GUCY2C: variants seen among roughly 807,000 people sequenced by gnomAD.
GUCY2C encodes guanylyl cyclase C.
In GUCY2C, 118 loss-of-function variants were observed where a neutral mutation model predicts 131.1. The ratio of observed to expected loss-of-function variants is 0.90; its 90% confidence interval spans 0.78 to 1.05. The LOEUF is 1.05. GUCY2C is among the 50% of genes least tolerant of loss of function. The pLI, the probability that GUCY2C is intolerant of heterozygous loss-of-function variation, is 0.00. For synonymous variants in GUCY2C, 452 were observed against 457.8 expected, an observed-to-expected ratio of 0.99 and a Z score of 0.16; for missense variants, 1,161 against 1,304.4, an observed-to-expected ratio of 0.89 and a Z score of 1.69.
chr12:14,621,008 G>A, intron 23 of GUCY2C, 34 bp downstream of exon 23: 5 of 1,570,462 alleles, frequency 3.2e-6, no homozygotes, highest in Non-Finnish European at 4.4e-6. Flanking sequence ...CAGTACATAT[G>A]GTTCCCAATT....
rs753877259 is a variant in GUCY2C at position 14,681,375 on chromosome 12, G to C, written c.714C>G (p.Asp238Glu). 5 of 1,612,512 alleles carry C rather than the reference G, an allele frequency of 3.1e-6. No homozygotes were observed. In the South Asian group the frequency reaches 5.5e-5, roughly 18 times the overall value. ...TCTTACCATTGCTTTTCCTGTTGTG[G>C]TCCATTAAGATATCCTGAAACTCCT... Reference protein sequence around the residue: ...QDKEFQDILMDHNRKSNVIIM... With the variant: ...QDKEFQDILMEHNRKSNVIIM... Residue 238 changes from aspartate to glutamate, a missense_variant, in exon 5 of 27, where the codon GAC becomes GAG. Asp to Glu is a conservative substitution (Grantham distance 45). Coordinates refer to ENST00000261170, the MANE Select transcript of GUCY2C (RefSeq NM_004963.4).
intron 16 of GUCY2C, among the ~76,000 whole-genome samples, chr12:14,644,272 A>C (rs1336814601): frequency 6.6e-6 from 1 of 152,188 alleles, no homozygotes; most frequent in African/African-American, 2.4e-5. Flanking sequence ...AAGCTGAGGC[A>C]GGATAATCGC....
intron 21 of GUCY2C, 103 bp downstream of exon 21, chr12:14,625,654 T>C: frequency 2.4e-6 from 3 of 1,229,802 alleles, no homozygotes; most frequent in Non-Finnish European, 3.4e-6. Context: ...TTAAAACCAA[T>C]AATCTACTGA....
intron 18 of GUCY2C, among the ~76,000 whole-genome samples, chr12:14,640,152 C>T (rs1412538662): frequency 2.0e-5 from 3 of 152,020 alleles, no homozygotes; most frequent in African/African-American, 7.3e-5. Flanking sequence ...CACTTATAAC[C>T]AGAAGGTTAC....
intron 24 of GUCY2C, 109 bp downstream of exon 24, chr12:14,619,102 T>C (rs2136976626): frequency 1.6e-6 from 1 of 636,446 alleles, no homozygotes; most frequent in Admixed American, 2.6e-5. Flanking sequence ...AGAATTATTC[T>C]ACATCTCACT....
intron 23 of GUCY2C, among the ~76,000 whole-genome samples, chr12:14,619,910 A>G (rs1384934104): frequency 1.3e-5 from 2 of 152,238 alleles, no homozygotes; most frequent in Non-Finnish European, 2.9e-5. Flanking sequence ...GCGCTGTGGC[A>G]TATTAGGTAG....
intron 19 of GUCY2C, among the ~76,000 whole-genome samples, chr12:14,630,519 T>C (rs1248174463): frequency 6.6e-6 from 1 of 152,190 alleles, no homozygotes; most frequent in Non-Finnish European, 1.5e-5. Context: ...CATTATTCCC[T>C]AAACAATACA....
chr12:14,674,465 AG>A (rs1269528273), intron 8 of GUCY2C, 159 bp downstream of exon 8: 1 of 756,722 alleles, frequency 1.3e-6, no homozygotes, highest in South Asian at 1.4e-5. Context: ...TATCAATAAC[AG>A]CACCCTCAAA....
At chr12:14,652,076 C>G in intron 13 of GUCY2C, 46 bp from the exon 14 acceptor site, 1 of 1,027,266 alleles carries the variant, frequency 9.7e-7, no homozygotes, top group Non-Finnish European at 1.5e-6. Flanking sequence ...TGGTGTAACT[C>G]TTTACATGCA....
chr12:14,689,836 A>G (rs374638283), intron 1 of GUCY2C, among the ~76,000 whole-genome samples: 3 of 152,310 alleles, frequency 2.0e-5, no homozygotes, highest in Admixed American at 1.3e-4. Context: ...TGGAGCATTC[A>G]AGATACTGAG....
intron 24 of GUCY2C, 115 bp from the exon 25 acceptor site, chr12:14,616,842 A>G (rs1475253888): frequency 1.4e-6 from 1 of 702,586 alleles, no homozygotes; most frequent in Non-Finnish European, 2.6e-6. Flanking sequence ...AGAAGAAACA[A>G]TTGTGGCTAT....
At chr12:14,618,563 G>A (rs918138176) in intron 24 of GUCY2C, among the ~76,000 whole-genome samples, 35 of 152,088 alleles carry the variant, frequency 2.3e-4, no homozygotes, top group African/African-American at 8.0e-4. Flanking sequence ...TGCTTTGGGA[G>A]GCCAAGGTGG....
intron 19 of GUCY2C, among the ~76,000 whole-genome samples, chr12:14,638,081 A>C (rs1040569686): frequency 6.6e-6 from 1 of 152,240 alleles, no homozygotes; most frequent in Non-Finnish European, 1.5e-5. Context: ...TTCTCAAAAG[A>C]AGATTTATAA....
At chr12:14,649,423 C>G (rs1947593973) in intron 15 of GUCY2C, among the ~76,000 whole-genome samples, 1 of 151,980 alleles carries the variant, frequency 6.6e-6, no homozygotes, top group South Asian at 2.1e-4. Context: ...TAAACTTAAA[C>G]AAAAACATGA....
intron 10 of GUCY2C, among the ~76,000 whole-genome samples, chr12:14,666,712 G>C (rs1336931584): frequency 6.8e-6 from 1 of 147,980 alleles, no homozygotes; most frequent in African/African-American, 2.5e-5. Context: ...TCCAGCCTGG[G>C]TGATACAGCC....
rs931387817 is a variant in GUCY2C at position 14,622,279 on chromosome 12, A to G, written c.2409-82T>C. 2.8e-5 allele frequency: 24 copies of G among 869,846 alleles called. 1 individual carries two copies. The East Asian group carries it at 5.5e-4, about 20-fold the overall frequency. The allele number at this position is 869,846 out of a possible 1,614,324, so 53.9% of individuals were successfully genotyped here. The stretch of plus-strand genomic sequence containing the variant: ...CACATAAATCTTTCAGGTAGTAGTG[A>G]TTGTCTACCAAGAATTCTAGAATTT... On this transcript the variant is annotated intron_variant, in intron 21 of 26. Coordinates refer to ENST00000261170, the MANE Select transcript of GUCY2C (RefSeq NM_004963.4).
chr12:14,673,069 A>C (rs991565273), intron 8 of GUCY2C, 111 bp from the exon 9 acceptor site: 1 of 676,140 alleles, frequency 1.5e-6, no homozygotes, highest in African/African-American at 1.8e-5. Flanking sequence ...TTTCAAATTT[A>C]CTGAAAACAT....
intron 15 of GUCY2C, among the ~76,000 whole-genome samples, chr12:14,648,596 T>A (rs74070237): frequency 0.011 from 1,708 of 152,336 alleles, 24 homozygotes; most frequent in African/African-American, 0.039. Context: ...TTTGTTTTTT[T>A]TCCCCTTAAA....
In GUCY2C at chr12:14,669,795, C is replaced by A. The variant is rs1362289415; in HGVS notation, c.1209G>T (p.Lys403Asn). Residue 403 changes from lysine (K) to asparagine (N), a missense_variant, in exon 10 of 27, where the codon AAG becomes AAT. Transcript: ENST00000261170. ...VLLTYDTHVN[K>N]TYPVDMSPTF... ...TGGGGCTCATATCCACAGGATAGGT[C>A]TTATTTACGTGGGTATCATAGGTCA... 6.2e-7 allele frequency: 1 copy of A among 1,601,434 alleles called. No individual in the cohort carries two copies. The highest frequency in any genetic ancestry group is 1.7e-5 in the Admixed American group (1 of 59,206).
Sources: allele counts gnomAD v4.1 joint callset (sites outside exome capture counted in the v4.1 genomes callset), GRCh38; gene constraint gnomAD v4.1.1; transcripts MANE v1.5; gene names NCBI Gene and HGNC (gene_info 2026-07-23, HGNC 2026-07-21).